Variants in MORC1 observed in about 807,000 individuals in gnomAD.
MORC1 encodes MORC family CW-type zinc finger 1.
Under a neutral mutation model 134.9 loss-of-function variants are expected in MORC1, and 59 were observed. The ratio of observed to expected loss-of-function variants is 0.44; its 90% confidence interval spans 0.35 to 0.54. MORC1 has a LOEUF of 0.54. Ranked by LOEUF, MORC1 falls within the 20% of genes least tolerant of loss-of-function variation. The pLI is 0.00. For missense variants in MORC1, 947 were observed against 1,134.5 expected (o/e 0.83, Z 2.37); for synonymous variants, 395 against 391.7 (o/e 1.01, Z -0.10).
chr3:108,986,687 C>T (rs577462944), intron 22 of MORC1, among the ~76,000 whole-genome samples, 193 bp downstream of exon 22: 2 of 152,192 alleles, frequency 1.3e-5, no homozygotes, highest in East Asian at 1.9e-4. Flanking sequence ...TGTCTCTCTG[C>T]CCCGTCAAAA....
intron 23 of MORC1, among the ~76,000 whole-genome samples, chr3:108,983,482 G>A (rs1947808895): frequency 6.6e-6 from 1 of 152,284 alleles, no homozygotes; most frequent in African/African-American, 2.4e-5. Context: ...TGTCAGAAAT[G>A]AGATGGGCTA....
chr3:109,035,937 CTTTA>C (rs1455843411), intron 14 of MORC1, among the ~76,000 whole-genome samples: 1 of 152,086 alleles, frequency 6.6e-6, no homozygotes, highest in Non-Finnish European at 1.5e-5. Flanking sequence ...TCTCTCCAGT[CTTTA>C]TTGTTTATGC....
intron 6 of MORC1, among the ~76,000 whole-genome samples, chr3:109,096,308 G>A (rs1274405161): frequency 1.3e-5 from 2 of 152,130 alleles, no homozygotes; most frequent in Non-Finnish European, 2.9e-5. Flanking sequence ...GTTCATGTTA[G>A]GCATTCTTAG....
intron 2 of MORC1, among the ~76,000 whole-genome samples, chr3:109,112,349 C>T (rs1664209098): frequency 6.6e-6 from 1 of 152,130 alleles, no homozygotes. Flanking sequence ...ATTTTTAAAA[C>T]TACAGGAAAT....
chr3:109,063,609 C>T (rs112117621), intron 9 of MORC1, among the ~76,000 whole-genome samples: 24 of 152,242 alleles, frequency 1.6e-4, no homozygotes, highest in African/African-American at 4.8e-4. Context: ...GGATAAACTA[C>T]TTCTCCTAGT....
intron 17 of MORC1, among the ~76,000 whole-genome samples, chr3:109,013,580 T>C (rs1055666512): frequency 2.0e-5 from 3 of 152,202 alleles, no homozygotes; most frequent in Admixed American, 6.5e-5. Context: ...CCTTCTTCAG[T>C]AAGTGTATTT....
intron 24 of MORC1, among the ~76,000 whole-genome samples, chr3:108,973,967 G>A (rs1947473800): frequency 6.6e-6 from 1 of 152,028 alleles, no homozygotes; most frequent in African/African-American, 2.4e-5. Flanking sequence ...ATAGTTTCAT[G>A]TAATCTTTAT....
At chr3:109,013,253 T>C (rs573164113) in intron 17 of MORC1, among the ~76,000 whole-genome samples, 1 of 152,294 alleles carries the variant, frequency 6.6e-6, no homozygotes, top group East Asian at 1.9e-4. Flanking sequence ...TGTATCTGTT[T>C]AGATGCTACA....
intron 23 of MORC1, 143 bp downstream of exon 23, chr3:108,984,573 A>G (rs1576596338): frequency 3.4e-6 from 2 of 584,482 alleles, no homozygotes; most frequent in Non-Finnish European, 2.9e-6. Context: ...TAATTCTTTC[A>G]CATCTCTGTT....
chr3:109,002,612 G>T (rs1480378412), intron 20 of MORC1, among the ~76,000 whole-genome samples: 18 of 152,202 alleles, frequency 1.2e-4, no homozygotes, highest in Admixed American at 1.2e-3. Flanking sequence ...GTAAGAAAGA[G>T]TCCCAGGCTC....
intron 21 of MORC1, among the ~76,000 whole-genome samples, chr3:109,000,069 G>C (rs879831160): frequency 6.6e-6 from 1 of 152,124 alleles, no homozygotes; most frequent in African/African-American, 2.4e-5. Context: ...CAACTATCAA[G>C]TTAGAAATAC....
At chr3:109,043,001 T>C (rs1357989864) in intron 14 of MORC1, among the ~76,000 whole-genome samples, 1 of 152,098 alleles carries the variant, frequency 6.6e-6, no homozygotes, top group Non-Finnish European at 1.5e-5. Flanking sequence ...AGATCTATTG[T>C]ACATCATTGT....
intron 14 of MORC1, among the ~76,000 whole-genome samples, chr3:109,053,019 T>C (rs745811025): frequency 6.7e-6 from 1 of 149,274 alleles, no homozygotes; most frequent in Non-Finnish European, 1.5e-5. Flanking sequence ...AAAAAAATGG[T>C]CCACATCACA....
intron 1 of MORC1, among the ~76,000 whole-genome samples, chr3:109,117,081 AC>A (rs761083861): frequency 9.0e-4 from 137 of 152,244 alleles, no homozygotes; most frequent in Admixed American, 1.8e-3. Flanking sequence ...TTTGTCTTCC[AC>A]CTCAGCTACC....
chr3:108,987,017 C>A, intron 21 of MORC1, 68 bp from the exon 22 acceptor site: 18 of 1,214,734 alleles, frequency 1.5e-5, no homozygotes, highest in Non-Finnish European at 1.9e-5. Context: ...TGACAAAAGA[C>A]CTTGAAAAGC....
At chr3:108,969,356 T>C (rs1351014394) in intron 26 of MORC1, among the ~76,000 whole-genome samples, 5 of 152,196 alleles carry the variant, frequency 3.3e-5, no homozygotes, top group African/African-American at 1.2e-4. Context: ...AACTTTAAAA[T>C]TTCTGCTTCA....
chr3:108,981,410 A>G (rs982198059), intron 23 of MORC1, among the ~76,000 whole-genome samples: 1 of 152,178 alleles, frequency 6.6e-6, no homozygotes, highest in Non-Finnish European at 1.5e-5. Flanking sequence ...CATTATATAA[A>G]CTAATGCTTA....
At chr3:109,116,652 T>C (rs1006540215) in intron 1 of MORC1, among the ~76,000 whole-genome samples, 2 of 152,078 alleles carry the variant, frequency 1.3e-5, no homozygotes, top group African/African-American at 4.8e-5. Context: ...TAGGGGTGCA[T>C]GCGTGTAGTC....
rs1947320749 is a variant in MORC1 at position 108,969,668 on chromosome 3, C to A, written c.2604+1G>T. On this transcript the variant is annotated splice_donor_variant, in intron 26 of 27. Coordinates refer to ENST00000232603, the MANE Select transcript of MORC1 (RefSeq NM_014429.4). LOFTEE classifies it high-confidence loss of function. ...AATGGTGATACTGAAAGGAAGCTTA[C>A]CTGGTTGAAACACATTTTCAGCTTT... The A allele has an allele frequency of 6.2e-7, 1 of 1,613,140 alleles. No individual in the cohort carries two copies. The highest frequency in any genetic ancestry group is 8.5e-7 in the Non-Finnish European group (1 of 1,179,202).
Sources: gnomAD v4.1 joint callset for allele counts (sites outside exome capture counted in the v4.1 genomes callset) on GRCh38, gnomAD v4.1.1 for gene constraint, MANE v1.5 for transcripts, NCBI Gene and HGNC (gene_info 2026-07-23, HGNC 2026-07-21) for gene names.